The following NAALADL2 variants were observed in gnomAD, a reference collection of about 807,000 sequenced individuals.
NAALADL2 encodes the protein N-acetylated alpha-linked acidic dipeptidase like 2, also known as inactive N-acetylated-alpha-linked acidic dipeptidase-like protein 2.
NAALADL2 carries 76 observed loss-of-function variants against 87.2 expected under a neutral mutation model. That is an observed-to-expected ratio of 0.87 (90% CI 0.72 to 1.05). The LOEUF is 1.05. NAALADL2 is among the 50% of genes least tolerant of loss of function. NAALADL2 has a pLI of 0.00. For synonymous variants in NAALADL2, 354 were observed against 331.0 expected (o/e 1.07, Z -0.75); for missense variants, 1,089 against 945.8 (o/e 1.15, Z -1.99).
chr3:175,601,597 T>A (rs1335390483), intron 10 of NAALADL2, among the ~76,000 whole-genome samples: 1 of 152,162 alleles, frequency 6.6e-6, no homozygotes, highest in Non-Finnish European at 1.5e-5. Flanking sequence ...TTTGAGTAGG[T>A]TGAACAAACT....
chr3:174,606,713 T>C (rs1214985867), intron 2 of NAALADL2, among the ~76,000 whole-genome samples: 1,622 of 152,220 alleles, frequency 0.011, 12 homozygotes, highest in Non-Finnish European at 0.017. Flanking sequence ...CTGAAAGTGA[T>C]GGGGAGAATG....
intron 13 of NAALADL2, among the ~76,000 whole-genome samples, chr3:175,772,488 G>C (rs764613786): frequency 6.6e-6 from 1 of 152,150 alleles, no homozygotes; most frequent in Non-Finnish European, 1.5e-5. Flanking sequence ...ACCCTAACAA[G>C]CTTCTTCACC....
intron 9 of NAALADL2, among the ~76,000 whole-genome samples, chr3:175,531,179 C>A (rs1734043827): frequency 6.6e-6 from 1 of 152,128 alleles, no homozygotes; most frequent in African/African-American, 2.4e-5. Context: ...TCAAAACTGG[C>A]AGCCTTTCAG....
chr3:175,728,841 C>T (rs1232237642), intron 11 of NAALADL2, among the ~76,000 whole-genome samples: 1 of 152,172 alleles, frequency 6.6e-6, no homozygotes, highest in Non-Finnish European at 1.5e-5. Flanking sequence ...CCACACTCCA[C>T]ACACAAGCTT....
chr3:175,525,737 G>A (rs1327623609), intron 9 of NAALADL2, among the ~76,000 whole-genome samples: 1 of 151,988 alleles, frequency 6.6e-6, no homozygotes, highest in Admixed American at 6.6e-5. Context: ...TATAACATTT[G>A]ACTATAGAAC....
At chr3:174,827,462 A>G (rs962988176) in intron 3 of NAALADL2, among the ~76,000 whole-genome samples, 1 of 152,162 alleles carries the variant, frequency 6.6e-6, no homozygotes, top group Admixed American at 6.5e-5. Flanking sequence ...AACAAACAAC[A>G]TCAGAGCAAG....
intron 1 of NAALADL2, among the ~76,000 whole-genome samples, chr3:175,057,363 G>A (rs1389759803): frequency 1.3e-5 from 2 of 152,114 alleles, no homozygotes; most frequent in Non-Finnish European, 2.9e-5. Flanking sequence ...AATTCTTGAT[G>A]TATTCTTAGA....
intron 1 of NAALADL2, among the ~76,000 whole-genome samples, chr3:174,547,399 G>T (rs1248376732): frequency 6.6e-6 from 1 of 152,066 alleles, no homozygotes; most frequent in East Asian, 1.9e-4. Context: ...CTAGGATGTG[G>T]ATTATAGTGT....
chr3:174,543,971 GCA>G (rs901188708), intron 1 of NAALADL2, among the ~76,000 whole-genome samples: 4 of 150,466 alleles, frequency 2.7e-5, no homozygotes, highest in African/African-American at 9.8e-5. Flanking sequence ...TCATGCCAAA[GCA>G]CTCCAGCCTG....
intron 2 of NAALADL2, among the ~76,000 whole-genome samples, chr3:174,621,418 AT>A (rs1186102467): frequency 3.3e-5 from 5 of 152,140 alleles, no homozygotes; most frequent in Non-Finnish European, 5.9e-5. Flanking sequence ...TAGAGCTAAG[AT>A]TTAACTATAC....
At chr3:175,373,060 G>A (rs1471159759) in intron 5 of NAALADL2, among the ~76,000 whole-genome samples, 3 of 152,108 alleles carry the variant, frequency 2.0e-5, no homozygotes, top group Admixed American at 6.6e-5. Flanking sequence ...TAACTACTTG[G>A]CTGCAATTGA....
chr3:174,611,179 G>A (rs924020404), intron 2 of NAALADL2, among the ~76,000 whole-genome samples: 1 of 132,018 alleles, frequency 7.6e-6, no homozygotes, highest in Non-Finnish European at 1.6e-5. Context: ...GTGGGGGGAG[G>A]GGGGAGGGAT....
intron 3 of NAALADL2, among the ~76,000 whole-genome samples, chr3:174,806,872 C>A (rs540363978): frequency 6.6e-6 from 1 of 151,958 alleles, no homozygotes; most frequent in South Asian, 2.1e-4. Flanking sequence ...TTCTCAGATA[C>A]AATATAATCA....
At chr3:175,612,994 C>A (rs1724846898) in intron 10 of NAALADL2, among the ~76,000 whole-genome samples, 1 of 152,270 alleles carries the variant, frequency 6.6e-6, no homozygotes, top group African/African-American at 2.4e-5. Flanking sequence ...GAATCACTTA[C>A]AACAAAATAT....
intron 9 of NAALADL2, among the ~76,000 whole-genome samples, chr3:175,499,156 A>G (rs547885674): frequency 2.0e-5 from 3 of 152,222 alleles, no homozygotes; most frequent in Admixed American, 6.5e-5. Context: ...CCCATACCTC[A>G]GTGTGTGATA....
intron 5 of NAALADL2, among the ~76,000 whole-genome samples, chr3:175,349,951 C>T (rs1428490769): frequency 6.7e-6 from 1 of 150,264 alleles, no homozygotes; most frequent in Non-Finnish European, 1.5e-5. Flanking sequence ...ACATGACTGT[C>T]ATTAATCCCA....
intron 2 of NAALADL2, among the ~76,000 whole-genome samples, chr3:174,671,614 A>G (rs575613498): frequency 6.6e-6 from 1 of 152,118 alleles, no homozygotes; most frequent in Non-Finnish European, 1.5e-5. Context: ...AAAATATGTC[A>G]AAAATACTAT....
At chr3:175,248,564 C>A (rs1378019098) in intron 3 of NAALADL2, among the ~76,000 whole-genome samples, 1 of 152,002 alleles carries the variant, frequency 6.6e-6, no homozygotes, top group Non-Finnish European at 1.5e-5. Flanking sequence ...ATTTATGGTT[C>A]TTCTTTTTCA....
At chr3:175,004,602 G>A (rs1201716013) in intron 1 of NAALADL2, among the ~76,000 whole-genome samples, 1 of 151,858 alleles carries the variant, frequency 6.6e-6, no homozygotes, top group African/African-American at 2.4e-5. Context: ...GAAAATAATT[G>A]CTTATCGGTA....
Sources: gnomAD v4.1 joint callset for allele counts (sites outside exome capture counted in the v4.1 genomes callset) on GRCh38, gnomAD v4.1.1 for gene constraint, MANE v1.5 for transcripts, NCBI Gene and HGNC (gene_info 2026-07-23, HGNC 2026-07-21) for gene names.